The following ENTREP2 variants were observed in gnomAD, a reference collection of about 807,000 sequenced individuals.
The protein encoded by ENTREP2 is protein ENTREP2.
At chr15:29,331,871 G>A in the ENTREP2 span, among the ~76,000 whole-genome samples, 1 of 152,178 alleles carries the variant, frequency 6.6e-6, no homozygotes, top group African/African-American at 2.4e-5. Context: ...CATCACACCT[G>A]CAGCACTGAT....
the ENTREP2 span, chr15:29,123,036 TGCTCAGTTCAAG>T: frequency 3.1e-6 from 1 of 323,440 alleles, no homozygotes; most frequent in South Asian, 8.9e-5. Context: ...TGTGCAACAC[TGCTCAGTTCAAG>T]GTGCTGCACG....
the ENTREP2 span, among the ~76,000 whole-genome samples, chr15:29,314,530 A>G: frequency 6.6e-6 from 1 of 152,184 alleles, no homozygotes; most frequent in African/African-American, 2.4e-5. Flanking sequence ...ATTTTTAATC[A>G]AGGTATATGT....
At chr15:29,250,908 C>G in the ENTREP2 span, among the ~76,000 whole-genome samples, 9 of 152,018 alleles carry the variant, frequency 5.9e-5, no homozygotes, top group African/African-American at 1.9e-4. Flanking sequence ...GATCAATGTT[C>G]TCTAGGCCAC....
the ENTREP2 span, among the ~76,000 whole-genome samples, chr15:29,164,448 C>T: frequency 6.6e-6 from 1 of 152,112 alleles, no homozygotes; most frequent in African/African-American, 2.4e-5. Flanking sequence ...GGAGACTCAC[C>T]TAACACATAA....
chr15:29,270,660 AAG>A, the ENTREP2 span, among the ~76,000 whole-genome samples: 180 of 151,634 alleles, frequency 1.2e-3, 1 homozygote, highest in Middle Eastern at 3.4e-3. Context: ...GAGGAAAAAA[AAG>A]AGAACACTGG....
chr15:29,133,894 G>A, the ENTREP2 span, among the ~76,000 whole-genome samples: 1 of 151,978 alleles, frequency 6.6e-6, no homozygotes, highest in African/African-American at 2.4e-5. Context: ...GACTCTTTAC[G>A]GACGACCTTC....
At chr15:29,640,307 C>T in the ENTREP2 span, among the ~76,000 whole-genome samples, 11 of 151,962 alleles carry the variant, frequency 7.2e-5, no homozygotes, top group Admixed American at 2.6e-4. Flanking sequence ...AAAACTGATT[C>T]TAGGGAAACA....
the ENTREP2 span, among the ~76,000 whole-genome samples, chr15:29,134,635 T>C: frequency 6.6e-6 from 1 of 152,174 alleles, no homozygotes; most frequent in Non-Finnish European, 1.5e-5. Context: ...TCTCTTCCTG[T>C]CCTAAGACCA....
chr15:29,554,044 G>A, the ENTREP2 span, among the ~76,000 whole-genome samples: 1 of 152,118 alleles, frequency 6.6e-6, no homozygotes, highest in East Asian at 1.9e-4. Context: ...GCCGTGCACG[G>A]TGGCTCATGC....
At chr15:29,321,120 A>G in the ENTREP2 span, among the ~76,000 whole-genome samples, 1 of 152,170 alleles carries the variant, frequency 6.6e-6, no homozygotes, top group Non-Finnish European at 1.5e-5. Context: ...AAACAGGATA[A>G]CTATCAAAAA....
At chr15:29,295,091 G>C in the ENTREP2 span, among the ~76,000 whole-genome samples, 1 of 152,336 alleles carries the variant, frequency 6.6e-6, no homozygotes, top group South Asian at 2.1e-4. Flanking sequence ...CCTTGGATTG[G>C]ATTTCATTCC....
At chr15:29,318,397 T>G in the ENTREP2 span, among the ~76,000 whole-genome samples, 3 of 152,256 alleles carry the variant, frequency 2.0e-5, no homozygotes, top group East Asian at 5.8e-4. Flanking sequence ...CTCAGCTCAC[T>G]GCAAGCTCCG....
the ENTREP2 span, among the ~76,000 whole-genome samples, chr15:29,197,627 G>A: frequency 5.0e-3 from 760 of 152,044 alleles, 7 homozygotes; most frequent in African/African-American, 0.018. Context: ...TTAGCTCGGC[G>A]TGGTGCTATG....
At chr15:29,530,986 G>T in the ENTREP2 span, among the ~76,000 whole-genome samples, 1 of 152,076 alleles carries the variant, frequency 6.6e-6, no homozygotes, top group African/African-American at 2.4e-5. Context: ...AAACGGTGCC[G>T]CACCCAAGTC....
At chr15:29,584,992 T>A in the ENTREP2 span, among the ~76,000 whole-genome samples, 13 of 86,600 alleles carry the variant, frequency 1.5e-4, no homozygotes, top group South Asian at 5.8e-3. Flanking sequence ...AACTCAAAGA[T>A]CGATGGATAG....
At chr15:29,461,529 T>C in the ENTREP2 span, among the ~76,000 whole-genome samples, 14 of 152,252 alleles carry the variant, frequency 9.2e-5, no homozygotes, top group East Asian at 2.5e-3. Context: ...TCGCCCAGGC[T>C]AGAGAGCAGT....
the ENTREP2 span, among the ~76,000 whole-genome samples, chr15:29,578,844 T>C: frequency 6.6e-6 from 1 of 152,180 alleles, no homozygotes; most frequent in Non-Finnish European, 1.5e-5. Context: ...ACTTCTGGGA[T>C]AGTATTGACT....
the ENTREP2 span, chr15:29,196,401 C>G: frequency 1.9e-6 from 3 of 1,546,764 alleles, no homozygotes; most frequent in Non-Finnish European, 2.6e-6. Context: ...GAATGAAATG[C>G]ATGCACAAGC....
the ENTREP2 span, among the ~76,000 whole-genome samples, chr15:29,363,151 C>G: frequency 6.6e-6 from 1 of 151,920 alleles, no homozygotes; most frequent in South Asian, 2.1e-4. Context: ...TGTGACCAAG[C>G]AAAATACATT....
Sources: allele counts gnomAD v4.1 joint callset (sites outside exome capture counted in the v4.1 genomes callset), GRCh38; gene constraint gnomAD v4.1.1; transcripts MANE v1.5; gene names NCBI Gene and HGNC (gene_info 2026-07-23, HGNC 2026-07-21).